The following CDKL3 variants were observed in gnomAD, a reference collection of about 807,000 sequenced individuals.
CDKL3 encodes the protein cyclin-dependent kinase-like 3.
A neutral mutation model predicts 69.3 loss-of-function variants in CDKL3; 65 were observed. The observed-to-expected ratio is 0.94, with a 90% CI of 0.77 to 1.15. The LOEUF (loss-of-function observed/expected upper bound fraction) is 1.15, where lower values mean the gene tolerates loss of function less well. Among genes scored for constraint, CDKL3 ranks in the 50% most tolerant of loss-of-function variants. CDKL3 has a pLI of 0.00. For missense variants in CDKL3, 652 were observed against 689.2 expected, an observed-to-expected ratio of 0.95 and a Z score of 0.61; for synonymous variants, 202 against 221.6, an observed-to-expected ratio of 0.91 and a Z score of 0.79.
intron 4 of CDKL3, among the ~76,000 whole-genome samples, chr5:134,329,965 G>A (rs912111136): frequency 6.6e-6 from 1 of 150,738 alleles, no homozygotes; most frequent in African/African-American, 2.4e-5. Context: ...AGGTGAGATC[G>A]CGCCACTGCA....
chr5:134,354,574 G>A (rs1328592952), intron 3 of CDKL3, among the ~76,000 whole-genome samples: 1 of 152,120 alleles, frequency 6.6e-6, no homozygotes, highest in Non-Finnish European at 1.5e-5. Flanking sequence ...TTTTAATTGA[G>A]GGCCTACTAT....
intron 5 of CDKL3, 32 bp from the exon 6 acceptor site, chr5:134,319,529 A>G: frequency 4.0e-6 from 6 of 1,485,732 alleles, no homozygotes; most frequent in Non-Finnish European, 5.4e-6. Context: ...TATTTAAAAA[A>G]CAGAGAAATA....
At chr5:134,294,963 TAAAG>T (rs1287682653), downstream of CDKL3, among the ~76,000 whole-genome samples, 2 of 149,838 alleles carry the variant, frequency 1.3e-5, no homozygotes, top group African/African-American at 4.9e-5. Flanking sequence ...AAGATCTAAA[TAAAG>T]AGTTTGTATC....
chr5:134,339,101 G>T (rs1749787666), intron 4 of CDKL3, among the ~76,000 whole-genome samples: 1 of 150,856 alleles, frequency 6.6e-6, no homozygotes, highest in South Asian at 2.1e-4. Flanking sequence ...TTGTAGTGAG[G>T]TAGTGAGCCA....
chr5:134,314,016 A>G (rs1200020185), intron 6 of CDKL3, among the ~76,000 whole-genome samples: 2 of 152,074 alleles, frequency 1.3e-5, no homozygotes, highest in African/African-American at 2.4e-5. Flanking sequence ...GTGGTGGCAC[A>G]TGCCTGTAAT....
chr5:134,371,489 C>G, upstream of CDKL3: 2 of 1,357,690 alleles, frequency 1.5e-6, no homozygotes, highest in Non-Finnish European at 2.0e-6. Flanking sequence ...GCGGCGGCGG[C>G]GGCGGCGGCG....
intron 4 of CDKL3, among the ~76,000 whole-genome samples, chr5:134,336,467 T>C (rs1561587206): frequency 6.6e-6 from 1 of 152,236 alleles, no homozygotes; most frequent in Non-Finnish European, 1.5e-5. Context: ...TGGTTTTATC[T>C]ACCTTTGGTC....
At chr5:134,341,405 T>C (rs1354422009) in intron 4 of CDKL3, among the ~76,000 whole-genome samples, 1 of 152,220 alleles carries the variant, frequency 6.6e-6, no homozygotes, top group African/African-American at 2.4e-5. Flanking sequence ...TATTCACAGA[T>C]GACATGATCT....
At chr5:134,350,896 C>T (rs1024332546) in intron 3 of CDKL3, among the ~76,000 whole-genome samples, 69 of 151,374 alleles carry the variant, frequency 4.6e-4, no homozygotes, top group African/African-American at 1.6e-3. Context: ...TGAAATTTTA[C>T]TTTCCTTTAA....
At chr5:134,292,927 T>G (rs907027809) in intron 8 of CDKL3, among the ~76,000 whole-genome samples, 1 of 149,674 alleles carries the variant, frequency 6.7e-6, no homozygotes, top group Non-Finnish European at 1.5e-5. Context: ...TAAATAAATG[T>G]AAGGAAATTA....
At chr5:134,354,670 C>T (rs138557280) in intron 3 of CDKL3, among the ~76,000 whole-genome samples, 2 of 152,142 alleles carry the variant, frequency 1.3e-5, no homozygotes, top group African/African-American at 2.4e-5. Flanking sequence ...CTTCAGGAGC[C>T]GGGCGCGGTG....
Position 134,304,435 on chromosome 5 carries a change from T to C in CDKL3, c.1591A>G (p.Ile531Val). 1.2e-6 allele frequency: 2 copies of C among 1,612,920 alleles called. No homozygotes were observed. The highest frequency in any genetic ancestry group is 1.7e-6 in the Non-Finnish European group (2 of 1,179,462). The change falls in exon 11 of 13, where the codon ATA (isoleucine) becomes GTA (valine). Residue 531 changes from isoleucine to valine, a missense_variant. By Grantham distance (29) the Ile-to-Val change is conservative. Transcript: ENST00000265334. ...EFHFPELPVT[I>V]QSKDTKGMEV... The stretch of plus-strand genomic sequence containing the variant: ...ATTCCTTTTGTATCTTTTGACTGTA[T>C]TGTGACAGGCAATTCTGGAAAATGG...
downstream of CDKL3, among the ~76,000 whole-genome samples, chr5:134,283,443 G>A (rs903535912): frequency 6.6e-5 from 10 of 152,158 alleles, no homozygotes; most frequent in Non-Finnish European, 1.2e-4. Context: ...CACATCTTAC[G>A]TGGATGGCAG....
intron 4 of CDKL3, among the ~76,000 whole-genome samples, chr5:134,342,821 T>C (rs913794995): frequency 1.3e-5 from 2 of 152,188 alleles, no homozygotes; most frequent in Non-Finnish European, 2.9e-5. Context: ...GGAAGGGACC[T>C]AGAATAGCCA....
intron 4 of CDKL3, among the ~76,000 whole-genome samples, chr5:134,335,229 A>G (rs1218217565): frequency 6.7e-6 from 1 of 149,382 alleles, no homozygotes; most frequent in Non-Finnish European, 1.5e-5. Flanking sequence ...TGCATGTGAG[A>G]TGGGTCCCCT....
intron 1 of CDKL3, 21 bp downstream of exon 1, chr5:134,366,956 A>G (rs550623448): frequency 3.0e-6 from 3 of 990,494 alleles, no homozygotes; most frequent in South Asian, 9.0e-5. Context: ...AACTCAAACC[A>G]CACGTCTTAG....
intron 2 of CDKL3, among the ~76,000 whole-genome samples, chr5:134,360,653 A>G (rs1755788115): frequency 1.3e-5 from 2 of 152,218 alleles, no homozygotes; most frequent in African/African-American, 4.8e-5. Flanking sequence ...GCTTATTAAA[A>G]TAATTTAATG....
rs759028939 is a variant in CDKL3 at position 134,366,979 on chromosome 5, G to A, written c.-24C>T. The A allele has an allele frequency of 1.6e-5, 16 of 989,380 alleles. No homozygotes were observed. In the African/African-American group the frequency reaches 2.8e-4, roughly 17 times the overall value. The allele number at this position is 989,380 out of a possible 1,614,324, so 61.3% of individuals were successfully genotyped here. A position where few individuals can be genotyped will look rare whatever the true frequency, so the allele number is the denominator to read the frequency against. On this transcript the variant is annotated splice_region_variant and 5_prime_UTR_variant, in exon 1 of 13. Coordinates refer to ENST00000265334, the MANE Select transcript of CDKL3 (RefSeq NM_001113575.2). ...CCACACGTCTTAGGATGCCGGACCG[G>A]CGTCACGCCCCACGTCCCGCTGTTG...
intron 7 of CDKL3, among the ~76,000 whole-genome samples, chr5:134,310,060 C>T (rs1237651320): frequency 3.3e-5 from 5 of 152,082 alleles, no homozygotes; most frequent in East Asian, 3.9e-4. Context: ...TGAACTCCTA[C>T]GTTCAAGCAA....
Sources: allele counts gnomAD v4.1 joint callset (sites outside exome capture counted in the v4.1 genomes callset), GRCh38; gene constraint gnomAD v4.1.1; transcripts MANE v1.5; gene names NCBI Gene and HGNC (gene_info 2026-07-23, HGNC 2026-07-21).